MPO: variants seen among roughly 807,000 people sequenced by gnomAD.
MPO encodes the protein myeloperoxidase.
Under a neutral mutation model 69.4 loss-of-function variants are expected in MPO, and 57 were observed. The observed-to-expected ratio is 0.82, with a 90% confidence interval of 0.66 to 1.02. The LOEUF (loss-of-function observed/expected upper bound fraction) is 1.02, where lower values mean the gene tolerates loss of function less well. Ranked by LOEUF, MPO falls within the 50% of genes least tolerant of loss-of-function variation. The probability of loss-of-function intolerance (pLI) is 0.00; values close to 1 mark genes in which losing one functional copy is unlikely to be tolerated. For missense variants in MPO, 971 were observed against 1,014.1 expected (o/e 0.96, Z 0.58); for synonymous variants, 426 against 417.1 (o/e 1.02, Z -0.26).
At chr17:58,278,520 C>G (rs1337457343) in intron 6 of MPO, among the ~76,000 whole-genome samples, 1 of 152,292 alleles carries the variant, frequency 6.6e-6, no homozygotes, top group African/African-American at 2.4e-5. Flanking sequence ...CCTCCTCCTT[C>G]CCTACTCAGC....
rs763078734 is a variant in MPO, at chr17:58,271,764, C to T, written c.1921G>A (p.Asp641Asn). 1 of 1,614,058 alleles carries T rather than the reference C, an allele frequency of 6.2e-7. No individual in the cohort carries two copies. The highest frequency in any genetic ancestry group is 8.5e-7 in the Non-Finnish European group (1 of 1,180,042). ...TCGGACACGCCGCCCATCCAGATGT[C>T]GATGTTGTTGGGCGTGCCATACTGC... ...MEQYGTPNNI[D>N]IWMGGVSEPL... The change falls in exon 11 of 12, where the codon GAC (aspartate) becomes AAC (asparagine). Residue 641 changes from aspartate to asparagine, a missense_variant. Physicochemically the swap from Asp to Asn is conservative, Grantham distance 23. Transcript: ENST00000225275.
chr17:58,274,267 T>A, intron 8 of MPO: 1 of 462,436 alleles, frequency 2.2e-6, no homozygotes, highest in Non-Finnish European at 4.3e-6. Flanking sequence ...TTTTGGAGTG[T>A]AAATGAATTT....
Position 58,275,992 on chromosome 17 carries a change from G to C in MPO, c.1205-290C>G, listed in dbSNP as rs191327905. ...TGCCACTTTCCTGTACCTGAAACTG[G>C]GAGCTCCTTGAGCACAGGACCAAGG... On this transcript the variant is annotated intron_variant, in intron 7 of 11. Coordinates refer to ENST00000225275, the MANE Select transcript of MPO (RefSeq NM_000250.2). This position sits in a 1 kb window ranked among gnomAD's most constrained non-coding sequence, Gnocchi z 4.1. Among the ~76,000 whole-genome samples, 85 of 152,272 alleles carry C rather than the reference G, an allele frequency of 5.6e-4. No homozygotes were observed. Among genetic ancestry groups the C allele is most frequent in the African/African-American group, 2.0e-3 (81 of 41,534 alleles).
chr17:58,280,408 G>A lies in MPO; in HGVS notation c.206C>T (p.Ala69Val), dbSNP rs1364428330. ...TSLVLSSMEEAKQLVDKAYKE... is the reference protein window; with the variant it reads ...TSLVLSSMEEVKQLVDKAYKE... ...GTAGGCCTTGTCCACCAGCTGCTTG[G>A]CCTCCTCCATGGAGCTCAGCACCAA... Residue 69 changes from alanine to valine, a missense_variant, in exon 2 of 12, where the codon GCC (alanine) becomes GTC (valine). Ala to Val is a moderately conservative substitution (Grantham distance 64). Transcript: ENST00000225275. 1.2e-6 allele frequency: 2 copies of A among 1,613,940 alleles called. No homozygotes were observed. Among genetic ancestry groups the A allele is most frequent in the Non-Finnish European group, 1.7e-6 (2 of 1,180,000 alleles).
chr17:58,277,971 G>A lies in MPO; in HGVS notation c.1060C>T (p.Arg354Cys), dbSNP rs1970460009. Reference protein sequence around the residue: ...GSEEPLARNLRNMSNQLGLLA... With the variant: ...GSEEPLARNLCNMSNQLGLLA... ...AGCCCCAGCTGGTTGGACATGTTGC[G>A]CAGGTTCCTGGCCAGGGGCTCCTCG... The change falls in exon 7 of 12, where the codon CGC becomes TGC. Residue 354 changes from arginine to cysteine, a missense_variant. Arg to Cys is a radical substitution (Grantham distance 180). Coordinates refer to ENST00000225275, the MANE Select transcript of MPO (RefSeq NM_000250.2). 2 of 1,613,674 alleles carry A rather than the reference G, an allele frequency of 1.2e-6. No individual in the cohort carries two copies. The highest frequency in any genetic ancestry group is 8.5e-7 in the Non-Finnish European group (1 of 1,180,048).
intron 10 of MPO, 48 bp from the exon 11 acceptor site, chr17:58,271,940 A>G (rs768595344): frequency 6.3e-7 from 1 of 1,592,500 alleles, no homozygotes; most frequent in Non-Finnish European, 8.6e-7. Flanking sequence ...TCTCTGCTTC[A>G]AGGTGGGGAG....
chr17:58,280,346 G>A lies in MPO; in HGVS notation c.248+20C>T. 1 of 1,612,198 alleles carries A rather than the reference G, an allele frequency of 6.2e-7. No individual in the cohort carries two copies. The highest frequency in any genetic ancestry group is 8.5e-7 in the Non-Finnish European group (1 of 1,178,464). ...CCTGGGACATCCTTGCCCAGAGCTG[G>A]GCAGTGCCTCGTGCCCCACCTTTCC... On this transcript the variant is annotated intron_variant, in intron 2 of 11. Coordinates refer to ENST00000225275, the MANE Select transcript of MPO (RefSeq NM_000250.2).
At position 58,279,924 on chromosome 17, in the gene MPO, C is replaced by T. The variant is rs1288590750; in HGVS notation, c.339G>A (p.Val113=). The T allele has an allele frequency of 1.2e-6, 2 of 1,614,034 alleles. No individual in the cohort carries two copies. Among genetic ancestry groups the T allele is most frequent in the South Asian group, 1.1e-5 (1 of 91,080 alleles). The stretch of plus-strand genomic sequence containing the variant: ...CCACGTGCAGGTAGTCAGCGGCCCT[C>T]ACCGCCGTCCTGGTGGCTGCCACCG... ...KQPVAATRTA[V]RAADYLHVAL... is the part of the protein sequence containing the mutation. The change falls in exon 3 of 12, where the codon GTG becomes GTA. Residue 113 remains valine (V), a synonymous_variant. Coordinates refer to ENST00000225275, the MANE Select transcript of MPO (RefSeq NM_000250.2).
chr17:58,270,792 C>A lies in MPO; in HGVS notation c.2102G>T (p.Arg701Leu), dbSNP rs144557565. ...GATGCCTGTGTTGTCGCAGATGATC[C>A]GGGGCAATGAGATCTGGGCCAGGGC... is the stretch of plus-strand genomic sequence containing the variant. ...RQALAQISLP[R>L]IICDNTGITT... The change falls in exon 12 of 12, where the codon CGG (arginine) becomes CTG (leucine). Residue 701 changes from arginine (R) to leucine (L), a missense_variant. Coordinates refer to ENST00000225275, the MANE Select transcript of MPO (RefSeq NM_000250.2). This position sits in a 1 kb window ranked among gnomAD's most constrained non-coding sequence, Gnocchi z 4.1. The A allele has an allele frequency of 6.2e-7, 1 of 1,614,020 alleles. No homozygotes were observed. The highest frequency in any genetic ancestry group is 1.1e-5 in the South Asian group (1 of 91,080).
rs978411717 is a variant in MPO at position 58,280,157 on chromosome 17, C to T, written c.249-143G>A. On this transcript the variant is annotated intron_variant, in intron 2 of 11. Coordinates refer to ENST00000225275, the MANE Select transcript of MPO (RefSeq NM_000250.2). ...CTTCCTTTTATAAAAAGGATATGGACCTGGGTGTCCAGACAGAGGCAAGGC... is the reference window on the plus strand; with the variant it reads ...CTTCCTTTTATAAAAAGGATATGGATCTGGGTGTCCAGACAGAGGCAAGGC... 15 of 1,153,830 alleles carry T rather than the reference C, an allele frequency of 1.3e-5. No individual in the cohort carries two copies. In the East Asian group the frequency reaches 1.7e-4, roughly 13 times the overall value. 71.5% of individuals were successfully genotyped at this position (1,153,830 alleles called of 1,614,324 possible). A position where few individuals can be genotyped will look rare whatever the true frequency, so the allele number is the denominator to read the frequency against.
At position 58,279,341 on chromosome 17, in the gene MPO, C is replaced by T. The variant is rs747134774; in HGVS notation, c.634G>A (p.Gly212Ser). ...EYEDGFSLPY[G>S]WTPGVKRNGF... ...TTGCGCTTGACCCCGGGCGTCCAGCCGTAGGGAAGAGAGAAGCCGTCCTCA... is the reference window on the plus strand; with the variant it reads ...TTGCGCTTGACCCCGGGCGTCCAGCTGTAGGGAAGAGAGAAGCCGTCCTCA... The change falls in exon 5 of 12, where the codon GGC (glycine) becomes AGC (serine). Residue 212 changes from glycine to serine, a missense_variant. Coordinates refer to ENST00000225275, the MANE Select transcript of MPO (RefSeq NM_000250.2). The T allele has an allele frequency of 3.8e-6, 6 of 1,579,282 alleles. No homozygotes were observed. The highest frequency in any genetic ancestry group is 3.7e-5 in the Admixed American group (2 of 54,416).
intron 2 of MPO, 110 bp downstream of exon 2, chr17:58,280,256 A>G: frequency 8.6e-7 from 1 of 1,158,044 alleles, no homozygotes. Flanking sequence ...GGGAGTCCAC[A>G]TGGGTCCCCA....
chr17:58,279,259 G>A, intron 5 of MPO, 38 bp downstream of exon 5: 1 of 1,567,178 alleles, frequency 6.4e-7, no homozygotes, highest in Non-Finnish European at 8.7e-7. Flanking sequence ...CGCGCACCGC[G>A]TGGCCGGGCC....
rs749646071 is a variant in MPO, at chr17:58,278,974, C to G, written c.885+34G>C. ...CCCTTCCAGAAACAATCTCCCCTCT[C>G]CCAACCCAGGCAGTGGGCGGGAAGC... On this transcript the variant is annotated intron_variant, in intron 6 of 11. Transcript: ENST00000225275. The G allele has an allele frequency of 5.1e-6, 8 of 1,581,252 alleles. No homozygotes were observed. In the South Asian group the frequency reaches 9.1e-5, roughly 18 times the overall value.
In MPO at chr17:58,279,404, A is replaced by T. The variant is rs773436729; in HGVS notation, c.571T>A (p.Ser191Thr). 6 of 1,608,478 alleles carry T rather than the reference A, an allele frequency of 3.7e-6. No individual in the cohort carries two copies. The highest frequency in any genetic ancestry group is 5.1e-6 in the Non-Finnish European group (6 of 1,177,836). ...AGCCAGCGCACAAAGGCACGGTTGG[A>T]GGCCCCCAGCGTGGGGCTGCGTCTG... ...NNRRSPTLGA[S>T]NRAFVRWLPA... The change falls in exon 5 of 12, where the codon TCC (serine) becomes ACC (threonine). Residue 191 changes from serine (S) to threonine (T), a missense_variant. Ser to Thr is a moderately conservative substitution (Grantham distance 58). Transcript: ENST00000225275.
At position 58,273,211 on chromosome 17, in the gene MPO, T is replaced by C. The variant is rs141031451; in HGVS notation, c.1621+203A>G. ...GCCACAACACATAGGAAGTAGCCAG[T>C]TCCCTCTGAGGGCCATCCCCACCCC... On this transcript the variant is annotated intron_variant, in intron 9 of 11. Coordinates refer to ENST00000225275, the MANE Select transcript of MPO (RefSeq NM_000250.2). Among the ~76,000 whole-genome samples the C allele has an allele frequency of 1.6e-4, 24 of 152,292 alleles. No homozygotes were observed. The East Asian group carries it at 4.6e-3, about 29-fold the overall frequency.
At position 58,270,577 on chromosome 17, in the gene MPO, T is replaced by C; in HGVS notation, c.*79A>G. ...TGCACCCAGAACAGGGCTGGGCTCA[T>C]CTAGGGCAAGGAGATCTCCGTGGTT... On this transcript the variant is annotated 3_prime_UTR_variant, in exon 12 of 12. Transcript: ENST00000225275. The surrounding 1 kb of genome is among the most constrained non-coding windows in gnomAD (Gnocchi z 4.1). The C allele has an allele frequency of 8.2e-7, 1 of 1,221,250 alleles. No homozygotes were observed. Among genetic ancestry groups the C allele is most frequent in the Non-Finnish European group, 1.2e-6 (1 of 846,864 alleles). The allele number at this position is 1,221,250 out of a possible 1,614,324, so 75.7% of individuals were successfully genotyped here.
intron 10 of MPO, 86 bp downstream of exon 10, chr17:58,272,662 C>A (rs1970381317): frequency 6.7e-7 from 1 of 1,496,346 alleles, no homozygotes. Flanking sequence ...AGGGCAGGGA[C>A]CCTAGAGTGG....
At position 58,270,613 on chromosome 17, in the gene MPO, A is replaced by T; in HGVS notation, c.*43T>A. 6.5e-7 allele frequency: 1 copy of T among 1,531,192 alleles called. No individual in the cohort carries two copies. Among genetic ancestry groups the T allele is most frequent in the Non-Finnish European group, 8.9e-7 (1 of 1,123,166 alleles). 94.9% of individuals were successfully genotyped at this position (1,531,192 alleles called of 1,614,324 possible). A position where few individuals can be genotyped will look rare whatever the true frequency, so the allele number is the denominator to read the frequency against. The stretch of plus-strand genomic sequence containing the variant: ...GAGATCTCCGTGGTTCCAACTGGCC[A>T]GCCCAGATATACCCCTCACTGCTGC... On this transcript the variant is annotated 3_prime_UTR_variant, in exon 12 of 12. Coordinates refer to ENST00000225275, the MANE Select transcript of MPO (RefSeq NM_000250.2). This position sits in a 1 kb window ranked among gnomAD's most constrained non-coding sequence, Gnocchi z 4.1.
Sources: gnomAD v4.1 joint callset for allele counts (sites outside exome capture counted in the v4.1 genomes callset) on GRCh38, gnomAD v4.1.1 for gene constraint, Gnocchi (gnomAD v3.1) non-coding constraint, MANE v1.5 for transcripts, NCBI Gene and HGNC (gene_info 2026-07-23, HGNC 2026-07-21) for gene names.